The following ORC4 variants were observed in gnomAD, a reference collection of about 807,000 sequenced individuals.
The protein encoded by ORC4 is origin recognition complex subunit 4, also known as origin recognition complex, subunit 4 homolog.
In ORC4, 55 loss-of-function variants were observed where a neutral mutation model predicts 63.9. The ratio of observed to expected loss-of-function variants is 0.86; its 90% CI spans 0.69 to 1.08. ORC4 has a LOEUF of 1.08. ORC4 is among the 50% of genes least tolerant of loss of function. The pLI is 0.00. For missense variants in ORC4, 511 were observed against 504.4 expected (o/e 1.01, Z -0.13); for synonymous variants, 150 against 168.5 (o/e 0.89, Z 0.85).
chr2:148,021,204 C>G (rs1268271202), upstream of ORC4: 1 of 241,716 alleles, frequency 4.1e-6, no homozygotes, highest in African/African-American at 2.3e-5. Flanking sequence ...TTCTACCCCA[C>G]TTCAACCTTG....
chr2:147,966,766 ACTAAAC>A (rs1001770947), intron 4 of ORC4, among the ~76,000 whole-genome samples: 2 of 152,170 alleles, frequency 1.3e-5, no homozygotes, highest in African/African-American at 2.4e-5. Flanking sequence ...GCTGAATTCT[ACTAAAC>A]CCTTAAGGAA....
chr2:148,005,203 A>G (rs909234842), intron 1 of ORC4, among the ~76,000 whole-genome samples: 5 of 152,232 alleles, frequency 3.3e-5, no homozygotes, highest in African/African-American at 1.2e-4. Context: ...TGGCACATAT[A>G]CGCCATGGAA....
intron 4 of ORC4, among the ~76,000 whole-genome samples, chr2:147,968,718 C>G (rs1690039092): frequency 1.3e-5 from 2 of 151,960 alleles, no homozygotes; most frequent in Non-Finnish European, 2.9e-5. Flanking sequence ...GAAAACAGTA[C>G]AAAGGTTCCC....
At chr2:148,012,089 A>T (rs895426147) in intron 1 of ORC4, among the ~76,000 whole-genome samples, 1 of 152,186 alleles carries the variant, frequency 6.6e-6, no homozygotes, top group African/African-American at 2.4e-5. Context: ...GAAATAGAAA[A>T]AAAAAATCCT....
chr2:147,940,821 C>T (rs1688327528), intron 10 of ORC4, among the ~76,000 whole-genome samples: 1 of 152,018 alleles, frequency 6.6e-6, no homozygotes, highest in Non-Finnish European at 1.5e-5. Context: ...TATGAGGACA[C>T]AAAGGCATAA....
intron 1 of ORC4, among the ~76,000 whole-genome samples, chr2:147,998,570 C>T (rs770374972): frequency 4.6e-5 from 7 of 152,150 alleles, no homozygotes; most frequent in Non-Finnish European, 8.8e-5. Flanking sequence ...ACCTTGTCCA[C>T]CGTGTTGTGA....
intron 1 of ORC4, among the ~76,000 whole-genome samples, chr2:147,988,114 A>T (rs1446880914): frequency 6.6e-6 from 1 of 152,078 alleles, no homozygotes; most frequent in Non-Finnish European, 1.5e-5. Flanking sequence ...TCCAAAAAAT[A>T]AGAGCTAAAT....
At chr2:147,978,140 G>A (rs750760373) in intron 1 of ORC4, among the ~76,000 whole-genome samples, 1 of 152,184 alleles carries the variant, frequency 6.6e-6, no homozygotes. Context: ...ACTGCTCTCT[G>A]ACCACAGCTG....
rs1212641152 is a variant in ORC4, at chr2:147,930,687, T to A, written c.*4823A>T. 6.6e-6 allele frequency: 1 copy of A among 152,460 alleles called. No individual in the cohort carries two copies. The highest frequency in any genetic ancestry group is 2.4e-5 in the African/African-American group (1 of 41,428). The allele number at this position is 152,460 out of a possible 1,614,324, so 9.4% of individuals were successfully genotyped here. A position where few individuals can be genotyped will look rare whatever the true frequency, so the allele number is the denominator to read the frequency against. Reference sequence around the variant, plus strand: ...CTACTGTCAAATCGTACTTGCTATTTTTTCTGCAAGTATTTAACAGAAAGC... The same window carrying A: ...CTACTGTCAAATCGTACTTGCTATTATTTCTGCAAGTATTTAACAGAAAGC... On this transcript the variant is annotated 3_prime_UTR_variant, in exon 14 of 14. Coordinates refer to ENST00000392857, the MANE Select transcript of ORC4 (RefSeq NM_181741.4).
chr2:147,958,995 T>C, intron 4 of ORC4, 129 bp from the exon 5 acceptor site: 1 of 560,948 alleles, frequency 1.8e-6, no homozygotes, highest in Admixed American at 3.2e-5. Context: ...AGTTTTCAAA[T>C]TCTTTACAGA....
At chr2:147,950,536 G>C (rs949507211) in intron 8 of ORC4, among the ~76,000 whole-genome samples, 12 of 152,228 alleles carry the variant, frequency 7.9e-5, no homozygotes, top group African/African-American at 2.6e-4. Context: ...GGAGGCCAAG[G>C]GGGGTAGATC....
intron 9 of ORC4, among the ~76,000 whole-genome samples, chr2:147,945,408 T>C (rs907335254): frequency 6.6e-6 from 1 of 152,094 alleles, no homozygotes; most frequent in Non-Finnish European, 1.5e-5. Flanking sequence ...ACATGAGCCA[T>C]TTAAACAAAA....
Position 147,958,346 on chromosome 2 carries a change from T to G in ORC4, c.339A>C (p.Glu113Asp), listed in dbSNP as rs1194260062. Residue 113 changes from glutamate to aspartate, a missense_variant, in exon 6 of 14, where the codon GAA (glutamate) becomes GAC (aspartate). Coordinates refer to ENST00000392857, the MANE Select transcript of ORC4 (RefSeq NM_181741.4). ...TTTCCAGATTTAACTGCCTTGTGAT[T>G]TCCTTTAGGGCGATTTTGTCATTGA... ...LQINDKIALKEITRQLNLENV... is the reference protein window; with the variant it reads ...LQINDKIALKDITRQLNLENV... 6.2e-7 allele frequency: 1 copy of G among 1,612,494 alleles called. No individual in the cohort carries two copies. The highest frequency in any genetic ancestry group is 1.3e-5 in the African/African-American group (1 of 74,882).
At chr2:147,958,460 G>T in intron 5 of ORC4, 77 bp from the exon 6 acceptor site, 1 of 1,045,058 alleles carries the variant, frequency 9.6e-7, no homozygotes, top group Non-Finnish European at 1.5e-6. Flanking sequence ...TTCCAGTTAA[G>T]TAAATCTTCC....
chr2:147,988,390 C>T (rs374478255), intron 1 of ORC4, among the ~76,000 whole-genome samples: 120 of 150,332 alleles, frequency 8.0e-4, no homozygotes, highest in African/African-American at 2.9e-3. Flanking sequence ...GACAGAATCT[C>T]GCTCTGTCGC....
chr2:148,007,908 G>A (rs1215732338), intron 1 of ORC4, among the ~76,000 whole-genome samples: 1 of 152,170 alleles, frequency 6.6e-6, no homozygotes, highest in Non-Finnish European at 1.5e-5. Flanking sequence ...CCAGAAGAGA[G>A]TAGGATGACA....
chr2:147,997,104 A>G lies in ORC4; in HGVS notation c.-17-21129T>C, dbSNP rs927710991. Among the ~76,000 whole-genome samples the G allele has an allele frequency of 7.9e-5, 12 of 152,336 alleles. 1 individual carries two copies. The highest frequency in any genetic ancestry group is 1.5e-5 in the Non-Finnish European group (1 of 68,028). On this transcript the variant is annotated intron_variant, in intron 1 of 13. Coordinates refer to ENST00000392857, the MANE Select transcript of ORC4 (RefSeq NM_181741.4). The stretch of plus-strand genomic sequence containing the variant: ...GAAATAAAGCCATGAAAAGACATGA[A>G]GGAAACTTAGATGTATACTGCTAAG...
chr2:147,955,525 G>C, intron 6 of ORC4, 130 bp from the exon 7 acceptor site: 1 of 670,322 alleles, frequency 1.5e-6, no homozygotes, highest in East Asian at 2.8e-5. Context: ...CCCAGACTCT[G>C]CTGAGTGTCT....
intron 13 of ORC4, among the ~76,000 whole-genome samples, chr2:147,937,509 AAAGACTT>A (rs1192356516): frequency 1.3e-5 from 2 of 152,222 alleles, no homozygotes; most frequent in African/African-American, 2.4e-5. Flanking sequence ...ACCAAATGTT[AAAGACTT>A]AATTCAAAAG....
Sources: gnomAD v4.1 joint callset for allele counts (sites outside exome capture counted in the v4.1 genomes callset) on GRCh38, gnomAD v4.1.1 for gene constraint, MANE v1.5 for transcripts, NCBI Gene and HGNC (gene_info 2026-07-23, HGNC 2026-07-21) for gene names.